Variants in NIT2 observed in about 807,000 individuals in gnomAD.
NIT2 encodes the protein nitrilase family member 2, also known as omega-amidase NIT2.
In NIT2, 46 loss-of-function variants were observed where a neutral mutation model predicts 42.7. That is an observed-to-expected ratio of 1.08 (90% CI 0.85 to 1.38). The LOEUF (loss-of-function observed/expected upper bound fraction) is 1.38, where lower values mean the gene tolerates loss of function less well. Among genes scored for constraint, NIT2 ranks in the 40% most tolerant of loss-of-function variants. The pLI is 0.00. For synonymous variants in NIT2, 123 were observed against 121.9 expected, an observed-to-expected ratio of 1.01 and a Z score of -0.06; for missense variants, 309 against 342.5, an observed-to-expected ratio of 0.90 and a Z score of 0.77.
chr3:100,355,187 G>C lies in NIT2; in HGVS notation c.750G>C (p.Lys250Asn). ...AIVYSDIDLK[K>N]LAEIRQQIPV... ...TCCTGTTTTTTGCAGACCTGAAGAAGCTGGCTGAAATACGCCAGCAAATCC... is the reference window on the plus strand; with the variant it reads ...TCCTGTTTTTTGCAGACCTGAAGAACCTGGCTGAAATACGCCAGCAAATCC... Residue 250 changes from lysine to asparagine, a missense_variant, in exon 10 of 10, where the codon AAG (lysine) becomes AAC (asparagine). Lys to Asn is a moderately conservative substitution (Grantham distance 94, BLOSUM62 0). Transcript: ENST00000394140. 1 of 1,614,026 alleles carries C rather than the reference G, an allele frequency of 6.2e-7. No individual in the cohort carries two copies. The highest frequency in any genetic ancestry group is 1.7e-5 in the Admixed American group (1 of 60,002).
rs781463049 is a variant in NIT2 at position 100,354,770 on chromosome 3, AG to A, written c.688del. The A allele has an allele frequency of 1.1e-5, 18 of 1,605,196 alleles. No individual in the cohort carries two copies. The highest frequency in any genetic ancestry group is 1.4e-5 in the Non-Finnish European group (17 of 1,175,736). On this transcript the variant is annotated splice_acceptor_variant, in intron 8 of 9. Coordinates refer to ENST00000394140, the MANE Select transcript of NIT2 (RefSeq NM_020202.5). LOFTEE classifies it high-confidence loss of function. ...ACTCATTCTCTTCTGCATCTTTTTCAGGGGGGAGGTTCTAGCCAAAGCTGGC... is the reference window on the plus strand; with the variant it reads ...ACTCATTCTCTTCTGCATCTTTTTCAGGGGGAGGTTCTAGCCAAAGCTGGC...
chr3:100,355,130 G>C (rs1240703467), intron 9 of NIT2, 47 bp from the exon 10 acceptor site: 1 of 1,376,414 alleles, frequency 7.3e-7, no homozygotes, highest in Non-Finnish European at 1.0e-6. Context: ...CCCTTGGTTA[G>C]TGAGGAGTTG....
chr3:100,335,599 A>T (rs373552688), intron 1 of NIT2, among the ~76,000 whole-genome samples: 1 of 152,218 alleles, frequency 6.6e-6, no homozygotes, highest in Non-Finnish European at 1.5e-5. Context: ...GGTCATTTGC[A>T]GAATGATAGG....
At chr3:100,338,815 T>C (rs1288324756) in intron 1 of NIT2, among the ~76,000 whole-genome samples, 1 of 152,210 alleles carries the variant, frequency 6.6e-6, no homozygotes, top group Non-Finnish European at 1.5e-5. Flanking sequence ...TATCTCCAGA[T>C]AGATTTTAGA....
chr3:100,345,513 G>A, intron 4 of NIT2, 72 bp from the exon 5 acceptor site: 3 of 1,028,964 alleles, frequency 2.9e-6, no homozygotes, highest in Non-Finnish European at 4.5e-6. Context: ...ATCTGCCCGG[G>A]GAAAGATATT....
At chr3:100,336,985 T>A (rs989735350) in intron 1 of NIT2, among the ~76,000 whole-genome samples, 1 of 152,180 alleles carries the variant, frequency 6.6e-6, no homozygotes, top group Non-Finnish European at 1.5e-5. Context: ...TAGGCAGAGG[T>A]CCCTGCGGCC....
chr3:100,337,516 C>T (rs541940542), intron 1 of NIT2, among the ~76,000 whole-genome samples: 4 of 152,230 alleles, frequency 2.6e-5, no homozygotes, highest in Admixed American at 6.5e-5. Context: ...TGCAGTGGCG[C>T]GATCTTGGCT....
At chr3:100,336,917 C>G (rs188656689) in intron 1 of NIT2, among the ~76,000 whole-genome samples, 1 of 152,168 alleles carries the variant, frequency 6.6e-6, no homozygotes, top group African/African-American at 2.4e-5. Flanking sequence ...TCCCTTCCCA[C>G]GAGGCCATAT....
At chr3:100,347,958 T>C (rs991495178) in intron 6 of NIT2, among the ~76,000 whole-genome samples, 20 of 152,016 alleles carry the variant, frequency 1.3e-4, no homozygotes, top group African/African-American at 4.6e-4. Flanking sequence ...TGGTGCGATC[T>C]TGGCTCACTG....
At chr3:100,353,817 AG>A (rs1706297981) in intron 8 of NIT2, among the ~76,000 whole-genome samples, 1 of 141,830 alleles carries the variant, frequency 7.1e-6, no homozygotes, top group Middle Eastern at 3.7e-3. Context: ...TCTGTCGCCC[AG>A]GCTGGAGTGC....
intron 2 of NIT2, 81 bp downstream of exon 2, chr3:100,339,286 G>A (rs1706118534): frequency 2.3e-6 from 2 of 885,748 alleles, no homozygotes; most frequent in Non-Finnish European, 1.9e-6. Flanking sequence ...TTGTCCTCTT[G>A]TATCCTGGGG....
intron 2 of NIT2, 35 bp downstream of exon 2, chr3:100,339,240 T>A (rs754716228): frequency 7.6e-7 from 1 of 1,309,926 alleles, no homozygotes; most frequent in Admixed American, 1.7e-5. Flanking sequence ...TTCTAGCCAC[T>A]GTACACCCAA....
At chr3:100,348,771 A>G (rs758185881) in intron 6 of NIT2, 32 bp from the exon 7 acceptor site, 20 of 1,586,014 alleles carry the variant, frequency 1.3e-5, no homozygotes, top group South Asian at 1.1e-4. Context: ...TGCTCACTGC[A>G]TCCACTGTTC....
At chr3:100,346,949 C>T (rs1255647304) in intron 6 of NIT2, among the ~76,000 whole-genome samples, 1 of 152,072 alleles carries the variant, frequency 6.6e-6, no homozygotes, top group Non-Finnish European at 1.5e-5. Flanking sequence ...GCTCTGGGGT[C>T]AGTAGTCTCT....
intron 1 of NIT2, among the ~76,000 whole-genome samples, chr3:100,338,858 T>C (rs546772107): frequency 6.6e-6 from 1 of 152,268 alleles, no homozygotes; most frequent in East Asian, 1.9e-4. Context: ...AATTCTTCGT[T>C]GTGTTATGGA....
chr3:100,347,080 T>G (rs866564373), intron 6 of NIT2, among the ~76,000 whole-genome samples: 5 of 151,166 alleles, frequency 3.3e-5, no homozygotes, highest in African/African-American at 7.3e-5. Flanking sequence ...GATAAATTTG[T>G]TTTTTTTTGT....
intron 6 of NIT2, 146 bp downstream of exon 6, chr3:100,346,401 G>T: frequency 4.5e-6 from 3 of 660,480 alleles, no homozygotes; most frequent in South Asian, 3.7e-5. Flanking sequence ...AGGCTTCCCA[G>T]ACTTTTGCTG....
intron 1 of NIT2, among the ~76,000 whole-genome samples, chr3:100,336,781 G>T (rs1306800030): frequency 6.6e-6 from 1 of 152,120 alleles, no homozygotes; most frequent in East Asian, 1.9e-4. Flanking sequence ...GTTGCCCAGG[G>T]ACGGGCAGGA....
rs1706374190 is a variant in NIT2, at chr3:100,360,832, G to A, written c.*5564G>A. On this transcript the variant is annotated 3_prime_UTR_variant, in exon 10 of 10. Coordinates refer to ENST00000394140, the MANE Select transcript of NIT2 (RefSeq NM_020202.5). ...TATAATGACAGCTTTGGAAGGTAGAGACTATCTTCCTCTGGATCATAGGAC... is the reference window on the plus strand; with the variant it reads ...TATAATGACAGCTTTGGAAGGTAGAAACTATCTTCCTCTGGATCATAGGAC... 6.6e-6 allele frequency: 1 copy of A among 152,208 alleles called. No individual in the cohort carries two copies. The highest frequency in any genetic ancestry group is 1.5e-5 in the Non-Finnish European group (1 of 68,030). The allele number at this position is 152,208 out of a possible 1,614,324, so 9.4% of individuals were successfully genotyped here.
Sources: allele counts gnomAD v4.1 joint callset (sites outside exome capture counted in the v4.1 genomes callset), GRCh38; gene constraint gnomAD v4.1.1; transcripts MANE v1.5; gene names NCBI Gene and HGNC (gene_info 2026-07-23, HGNC 2026-07-21).